The following FAM178B variants were observed in gnomAD, a reference collection of about 807,000 sequenced individuals.
The protein encoded by FAM178B is family with sequence similarity 178 member B.
FAM178B carries 82 observed loss-of-function variants against 91.7 expected under a neutral mutation model. That is an observed-to-expected ratio of 0.89 (90% CI 0.75 to 1.07). FAM178B has a LOEUF of 1.07. Ranked by LOEUF, FAM178B falls within the 50% of genes least tolerant of loss-of-function variation. The pLI, the probability that FAM178B is intolerant of heterozygous loss-of-function variation, is 0.00. For missense variants in FAM178B, 769 were observed against 846.7 expected (o/e 0.91, Z 1.14); for synonymous variants, 368 against 359.4 (o/e 1.02, Z -0.27).
At chr2:96,899,833 G>A (rs1049753874) in intron 13 of FAM178B, among the ~76,000 whole-genome samples, 10 of 146,468 alleles carry the variant, frequency 6.8e-5, no homozygotes, top group Non-Finnish European at 1.2e-4. Context: ...ACTGCCTCCC[G>A]CGCCCCCATT....
At chr2:96,895,793 C>T (rs1473173847) in intron 13 of FAM178B, among the ~76,000 whole-genome samples, 1 of 152,272 alleles carries the variant, frequency 6.6e-6, no homozygotes, top group African/African-American at 2.4e-5. Context: ...TGAGCTTAGC[C>T]TGGCTGGCAC....
At chr2:96,962,829 A>G (rs1383588367) in intron 5 of FAM178B, among the ~76,000 whole-genome samples, 1 of 152,222 alleles carries the variant, frequency 6.6e-6, no homozygotes, top group Non-Finnish European at 1.5e-5. Flanking sequence ...TGTGGCAATT[A>G]GATGACGCCT....
intron 7 of FAM178B, among the ~76,000 whole-genome samples, chr2:96,948,269 G>T (rs1201240097): frequency 1.3e-5 from 2 of 152,366 alleles, no homozygotes; most frequent in East Asian, 3.9e-4. Flanking sequence ...CCAGCGTAAG[G>T]GGAGAGAAAG....
At chr2:96,978,285 TCA>T (rs1357018316) in intron 1 of FAM178B, among the ~76,000 whole-genome samples, 1 of 152,172 alleles carries the variant, frequency 6.6e-6, no homozygotes, top group African/African-American at 2.4e-5. Flanking sequence ...ATACACAAAA[TCA>T]CACACACATT....
intron 3 of FAM178B, 94 bp downstream of exon 3, chr2:96,971,807 C>G: frequency 8.5e-7 from 1 of 1,180,440 alleles, no homozygotes; most frequent in South Asian, 1.8e-5. Context: ...GCAGCTGGGG[C>G]GTGGCTCAGG....
At position 96,971,946 on chromosome 2, in the gene FAM178B, C is replaced by A; in HGVS notation, c.519G>T (p.Leu173=). The A allele has an allele frequency of 6.5e-7, 1 of 1,544,566 alleles. No homozygotes were observed. Among genetic ancestry groups the A allele is most frequent in the Non-Finnish European group, 8.7e-7 (1 of 1,144,476 alleles). The change falls in exon 3 of 17, where the codon CTG becomes CTT. Residue 173 remains leucine (L), a synonymous_variant. Transcript: ENST00000490605. ...PKRGLALPEK[L]FWNTSGLSQQ... is the part of the protein sequence containing the mutation. The stretch of plus-strand genomic sequence containing the variant: ...GGCTCAGGCCTGACGTGTTCCAGAA[C>A]AGCTTCTCTGGCAAGGCCAGGCCCC...
At chr2:96,892,413 T>C (rs4907205) in intron 14 of FAM178B, among the ~76,000 whole-genome samples, 38,249 of 152,086 alleles carry the variant, frequency 0.25, 6,040 homozygotes, top group South Asian at 0.66. Context: ...CCCTACCCCT[T>C]TGGGGCTCTG....
At chr2:96,887,839 G>C (rs978838390) in intron 14 of FAM178B, among the ~76,000 whole-genome samples, 1 of 151,920 alleles carries the variant, frequency 6.6e-6, no homozygotes, top group Non-Finnish European at 1.5e-5. Flanking sequence ...GAGAGGCCCC[G>C]AAGGGTCTCC....
At chr2:96,970,919 A>G (rs1193990353) in intron 3 of FAM178B, 142 bp from the exon 4 acceptor site, 3 of 699,570 alleles carry the variant, frequency 4.3e-6, no homozygotes, top group East Asian at 2.7e-5. Flanking sequence ...TAAAAAATCA[A>G]AAAGTATAAA....
chr2:96,891,813 G>C (rs770833482), intron 14 of FAM178B, among the ~76,000 whole-genome samples: 8 of 152,208 alleles, frequency 5.3e-5, no homozygotes, highest in Non-Finnish European at 1.2e-4. Flanking sequence ...AAATCTCCCA[G>C]ACAGGAGTGA....
intron 14 of FAM178B, among the ~76,000 whole-genome samples, chr2:96,887,194 A>G (rs757000574): frequency 6.6e-6 from 1 of 151,514 alleles, no homozygotes; most frequent in South Asian, 2.1e-4. Flanking sequence ...CAGCCTGGGC[A>G]ACACAGCGAG....
At position 96,921,180 on chromosome 2, in the gene FAM178B, A is replaced by G; in HGVS notation, c.1547T>C (p.Met516Thr). Reference protein sequence around the residue: ...LLALVQFFPDMTSRSRRLRSQ... With the variant: ...LLALVQFFPDTTSRSRRLRSQ... ...CAGCACGCACCTGCTCCGGGAGGTC[A>G]TGTCTGGGAAGAACTGCACGAGGGC... is the stretch of plus-strand genomic sequence containing the variant. The change falls in exon 12 of 17, where the codon ATG becomes ACG. Residue 516 changes from methionine (M) to threonine (T), a missense_variant. Transcript: ENST00000490605. The G allele has an allele frequency of 6.4e-7, 1 of 1,551,484 alleles. No individual in the cohort carries two copies. The highest frequency in any genetic ancestry group is 8.7e-7 in the Non-Finnish European group (1 of 1,146,916).
intron 15 of FAM178B, 122 bp from the exon 16 acceptor site, chr2:96,878,164 TGAG>T: frequency 8.7e-7 from 1 of 1,143,444 alleles, no homozygotes; most frequent in Non-Finnish European, 1.3e-6. Flanking sequence ...GTTCAGAAGT[TGAG>T]GAGGAAAAGG....
intron 13 of FAM178B, among the ~76,000 whole-genome samples, chr2:96,897,745 C>T (rs925156342): frequency 1.3e-5 from 2 of 152,210 alleles, no homozygotes; most frequent in African/African-American, 2.4e-5. Context: ...TTCCTCTCCA[C>T]TCCCAGTAAT....
At chr2:96,879,141 C>T (rs896740847) in intron 14 of FAM178B, among the ~76,000 whole-genome samples, 2 of 152,186 alleles carry the variant, frequency 1.3e-5, no homozygotes, top group Non-Finnish European at 2.9e-5. Flanking sequence ...TTAGAGAAAC[C>T]GAGCCATGGG....
intron 8 of FAM178B, among the ~76,000 whole-genome samples, chr2:96,936,359 G>A (rs13002656): frequency 0.48 from 71,943 of 151,174 alleles, 20,612 homozygotes; most frequent in Non-Finnish European, 0.66. Flanking sequence ...CCGCCACCAC[G>A]CCCGGCTAAG....
chr2:96,894,902 C>G (rs1429294106), intron 13 of FAM178B, among the ~76,000 whole-genome samples: 1 of 138,426 alleles, frequency 7.2e-6, no homozygotes, highest in Non-Finnish European at 1.6e-5. Context: ...CAGACCCTCA[C>G]CCACACTCAC....
chr2:96,916,570 T>C (rs1195028076), intron 12 of FAM178B, among the ~76,000 whole-genome samples: 4 of 152,332 alleles, frequency 2.6e-5, no homozygotes, highest in Non-Finnish European at 5.9e-5. Flanking sequence ...GAAGTGGGGA[T>C]GGCATGCTGC....
chr2:96,944,356 C>T (rs1390175920), intron 8 of FAM178B, among the ~76,000 whole-genome samples: 1 of 151,974 alleles, frequency 6.6e-6, no homozygotes, highest in Admixed American at 6.6e-5. Context: ...GTTCAAAGGG[C>T]ACTGGACAGA....
Sources: gnomAD v4.1 joint callset for allele counts (sites outside exome capture counted in the v4.1 genomes callset) on GRCh38, gnomAD v4.1.1 for gene constraint, MANE v1.5 for transcripts, NCBI Gene and HGNC (gene_info 2026-07-23, HGNC 2026-07-21) for gene names.